SLC5A1: variants seen among roughly 807,000 people sequenced by gnomAD.
SLC5A1 encodes sodium/glucose cotransporter 1.
SLC5A1 carries 42 observed loss-of-function variants against 73.5 expected under a neutral mutation model. The observed-to-expected ratio is 0.57, with a 90% CI of 0.45 to 0.74. SLC5A1 has a LOEUF of 0.74. Ranked by LOEUF, SLC5A1 falls within the 30% of genes least tolerant of loss-of-function variation. The probability of loss-of-function intolerance (pLI) is 0.00; values close to 1 mark genes in which losing one functional copy is unlikely to be tolerated. For missense variants in SLC5A1, 634 were observed against 855.4 expected, an observed-to-expected ratio of 0.74 and a Z score of 3.23; for synonymous variants, 300 against 317.4, an observed-to-expected ratio of 0.95 and a Z score of 0.58.
rs2149481788 is a variant in SLC5A1 at position 32,043,763 on chromosome 22, T to A, written c.135+347T>A. Among the ~76,000 whole-genome samples, 1 of 152,196 alleles carries A rather than the reference T, an allele frequency of 6.6e-6. No homozygotes were observed. The highest frequency in any genetic ancestry group is 1.5e-5 in the Non-Finnish European group (1 of 67,992). On this transcript the variant is annotated intron_variant, in intron 1 of 14. Coordinates refer to ENST00000266088, the MANE Select transcript of SLC5A1 (RefSeq NM_000343.4). The surrounding 1 kb of genome is among the most constrained non-coding windows in gnomAD (Gnocchi z 6.5). ...AGGGAGGGCTCTGGGGCTTGGGAGATGAGCCTCTAGCAGGTGACTACTGTC... is the reference window on the plus strand; with the variant it reads ...AGGGAGGGCTCTGGGGCTTGGGAGAAGAGCCTCTAGCAGGTGACTACTGTC...
At chr22:32,065,176 G>A (rs1421215936) in intron 2 of SLC5A1, among the ~76,000 whole-genome samples, 1 of 152,034 alleles carries the variant, frequency 6.6e-6, no homozygotes, top group Admixed American at 6.6e-5. Flanking sequence ...CCAACTCCTG[G>A]TCTGAAGCAA....
intron 5 of SLC5A1, among the ~76,000 whole-genome samples, chr22:32,069,666 T>C (rs925999903): frequency 9.2e-5 from 14 of 152,362 alleles, no homozygotes; most frequent in Non-Finnish European, 1.5e-4. Flanking sequence ...ATACAATTTT[T>C]ATTTGTCAAT....
At chr22:32,105,776 A>G (rs188632438) in intron 14 of SLC5A1, among the ~76,000 whole-genome samples, 8 of 152,080 alleles carry the variant, frequency 5.3e-5, no homozygotes, top group Non-Finnish European at 1.2e-4. Flanking sequence ...TCTACTTTCT[A>G]TGTCCATGAG....
At chr22:32,085,730 AGT>A (rs1275650835) in intron 9 of SLC5A1, among the ~76,000 whole-genome samples, 1 of 151,856 alleles carries the variant, frequency 6.6e-6, no homozygotes, top group Non-Finnish European at 1.5e-5. Flanking sequence ...AGAGCTCATC[AGT>A]GTGTCAGGGC....
intron 5 of SLC5A1, 139 bp downstream of exon 5, chr22:32,068,739 G>A (rs1307251986): frequency 1.5e-6 from 1 of 689,236 alleles, no homozygotes; most frequent in African/African-American, 1.8e-5. Flanking sequence ...TTGGAGTAGA[G>A]TCCTATTTCT....
In SLC5A1 at chr22:32,110,032, C is replaced by G; in HGVS notation, c.1814C>G (p.Ala605Gly). The change falls in exon 15 of 15, where the codon GCC (alanine) becomes GGC (glycine). Residue 605 changes from alanine to glycine, a missense_variant. Transcript: ENST00000266088. ...PEKKKGIFRR[A>G]YDLFCGLEQH... ...AAGAAAAAAGGAATCTTCAGGAGAG[C>G]CTATGACCTATTTTGTGGGCTAGAG... 6.2e-7 allele frequency: 1 copy of G among 1,614,054 alleles called. No homozygotes were observed. The highest frequency in any genetic ancestry group is 1.3e-5 in the African/African-American group (1 of 75,006).
chr22:32,064,684 C>G (rs1037275198), intron 2 of SLC5A1, among the ~76,000 whole-genome samples: 1 of 152,116 alleles, frequency 6.6e-6, no homozygotes, highest in Non-Finnish European at 1.5e-5. Context: ...TCTAACCTAT[C>G]AACAGAGCCT....
rs1205573042 is a variant in SLC5A1 at position 32,077,260 on chromosome 22, CTT to C, written c.478-4605_478-4604del. Reference sequence around the variant, plus strand: ...CCTCCCTCCCTTCCTTCACTCCCTCCTTCTCTCCTTTCTTTCTCTCTCCCTCT... The same window carrying C: ...CCTCCCTCCCTTCCTTCACTCCCTCCCTCTCCTTTCTTTCTCTCTCCCTCT... On this transcript the variant is annotated intron_variant, in intron 5 of 14. Transcript: ENST00000266088. Among the ~76,000 whole-genome samples, 23 of 149,180 alleles carry C rather than the reference CTT, an allele frequency of 1.5e-4. No individual in the cohort carries two copies. In the South Asian group the frequency reaches 4.5e-3, roughly 29 times the overall value.
intron 2 of SLC5A1, 136 bp downstream of exon 2, chr22:32,050,150 A>G (rs957222053): frequency 2.5e-6 from 2 of 808,830 alleles, no homozygotes; most frequent in East Asian, 2.5e-5. Flanking sequence ...AGTGAGTCTC[A>G]TGCTCATCGG....
intron 2 of SLC5A1, among the ~76,000 whole-genome samples, chr22:32,066,121 ACTTT>A (rs1234407320): frequency 4.6e-5 from 7 of 152,134 alleles, no homozygotes; most frequent in Non-Finnish European, 7.4e-5. Flanking sequence ...TTTACCTGAT[ACTTT>A]CTTTTTTTGT....
At chr22:32,047,703 A>G (rs911350251) in intron 1 of SLC5A1, among the ~76,000 whole-genome samples, 1 of 152,200 alleles carries the variant, frequency 6.6e-6, no homozygotes, top group Non-Finnish European at 1.5e-5. Context: ...AGTTCAATAC[A>G]TCGTTGCAGA....
At chr22:32,091,527 A>G (rs2094017540) in intron 10 of SLC5A1, 85 bp from the exon 11 acceptor site, 2 of 1,513,820 alleles carry the variant, frequency 1.3e-6, no homozygotes, top group African/African-American at 2.7e-5. Context: ...CAGAAGGCAA[A>G]CAAATCTTGA....
chr22:32,057,091 C>T (rs5998225), intron 2 of SLC5A1, among the ~76,000 whole-genome samples: 5,080 of 152,154 alleles, frequency 0.033, 265 homozygotes, highest in African/African-American at 0.11. Context: ...TTTGCTATGG[C>T]GGAACCAAGA....
rs368050825 is a variant in SLC5A1, at chr22:32,051,724, A to G, written c.207+1710A>G. Reference sequence around the variant, plus strand: ...CAACAACAAAAATCCCAAACCCAACAACAACAAAACAACAACAAAATAGTT... The same window carrying G: ...CAACAACAAAAATCCCAAACCCAACGACAACAAAACAACAACAAAATAGTT... On this transcript the variant is annotated intron_variant, in intron 2 of 14. Transcript: ENST00000266088. 5.3e-4 allele frequency among the ~76,000 whole-genome samples: 80 copies of G among 152,294 alleles called. 2 individuals carry two copies. In the South Asian group the frequency reaches 0.017, roughly 32 times the overall value.
chr22:32,105,429 G>A (rs746884911), intron 14 of SLC5A1, among the ~76,000 whole-genome samples: 4 of 151,920 alleles, frequency 2.6e-5, no homozygotes, highest in Non-Finnish European at 5.9e-5. Flanking sequence ...GAGTAGCTGG[G>A]AATACAGGCA....
chr22:32,059,660 C>T (rs952504185), intron 2 of SLC5A1, among the ~76,000 whole-genome samples: 5 of 151,322 alleles, frequency 3.3e-5, no homozygotes, highest in African/African-American at 9.7e-5. Flanking sequence ...CTGAATTTCA[C>T]GCCACAGCTG....
chr22:32,069,093 G>A (rs1271368693), intron 5 of SLC5A1, among the ~76,000 whole-genome samples: 1 of 152,150 alleles, frequency 6.6e-6, no homozygotes, highest in Non-Finnish European at 1.5e-5. Flanking sequence ...AAAAAAGAAG[G>A]AAATGCTGTC....
In SLC5A1 at chr22:32,068,563, T is replaced by G. The variant is rs1345633293; in HGVS notation, c.440T>G (p.Leu147Arg). 1.2e-6 allele frequency: 2 copies of G among 1,613,842 alleles called. No homozygotes were observed. Among genetic ancestry groups the G allele is most frequent in the Non-Finnish European group, 1.7e-6 (2 of 1,179,876 alleles). ...GGQRIQVYLS[L>R]LSLLLYIFTK... ...CAGCGGATCCAGGTCTACCTTTCCCTTCTGTCCCTGCTGCTCTACATTTTC... is the reference window on the plus strand; with the variant it reads ...CAGCGGATCCAGGTCTACCTTTCCCGTCTGTCCCTGCTGCTCTACATTTTC... Residue 147 changes from leucine to arginine, a missense_variant, in exon 5 of 15, where the codon CTT becomes CGT. This residue lies in a region of SLC5A1 where 422 missense variants were observed against 626.1 expected (regional missense o/e 0.67). Coordinates refer to ENST00000266088, the MANE Select transcript of SLC5A1 (RefSeq NM_000343.4).
In SLC5A1 at chr22:32,043,273, G is replaced by A. The variant is rs758707225; in HGVS notation, c.-9G>A. 8 of 1,613,664 alleles carry A rather than the reference G, an allele frequency of 5.0e-6. No homozygotes were observed. The highest frequency in any genetic ancestry group is 2.2e-5 in the East Asian group (1 of 44,880). ...CCCTGGCGAGAGGGAAGGACGCAACGCTGCCACCATGGACAGTAGCACCTG... is the reference window on the plus strand; with the variant it reads ...CCCTGGCGAGAGGGAAGGACGCAACACTGCCACCATGGACAGTAGCACCTG... On this transcript the variant is annotated 5_prime_UTR_variant, in exon 1 of 15. Coordinates refer to ENST00000266088, the MANE Select transcript of SLC5A1 (RefSeq NM_000343.4). This position sits in a 1 kb window ranked among gnomAD's most constrained non-coding sequence, Gnocchi z 6.5.
Sources: allele counts gnomAD v4.1 joint callset (sites outside exome capture counted in the v4.1 genomes callset), GRCh38; gene constraint gnomAD v4.1.1; regional missense constraint gnomAD v4.1.1; non-coding constraint Gnocchi (gnomAD v3.1); transcripts MANE v1.5; gene names NCBI Gene and HGNC (gene_info 2026-07-23, HGNC 2026-07-21).